ABCA9: variants seen among roughly 807,000 people sequenced by gnomAD.
ABCA9 encodes ATP binding cassette subfamily A member 9.
In ABCA9, 183 loss-of-function variants were observed where a neutral mutation model predicts 205.3. The ratio of observed to expected loss-of-function variants is 0.89; its 90% confidence interval spans 0.79 to 1.01. ABCA9 has a LOEUF of 1.01. ABCA9 is among the 50% of genes least tolerant of loss of function. ABCA9 has a pLI of 0.00. For synonymous variants in ABCA9, 651 were observed against 683.3 expected (o/e 0.95, Z 0.74); for missense variants, 1,805 against 1,912.4 (o/e 0.94, Z 1.05).
In ABCA9 at chr17:68,988,905, A is replaced by G. The variant is rs566778032; in HGVS notation, c.4047+122T>C. ...AATTAAGTATATAAATTTTTAATCA[A>G]TCTTCTTTATTCAATGCATAAATCA... On this transcript the variant is annotated intron_variant, in intron 31 of 38. Transcript: ENST00000340001. 2.0e-5 allele frequency: 12 copies of G among 600,184 alleles called. No individual in the cohort carries two copies. The Admixed American group carries it at 2.5e-4, about 12-fold the overall frequency. 37.2% of individuals were successfully genotyped at this position (600,184 alleles called of 1,614,324 possible).
intron 31 of ABCA9, 126 bp downstream of exon 31, chr17:68,988,901 A>G (rs2069340097): frequency 1.7e-6 from 1 of 582,266 alleles, no homozygotes; most frequent in South Asian, 3.3e-5. Flanking sequence ...TAAATTTTTA[A>G]TCAATCTTCT....
chr17:69,078,265 C>T, the ABCA9 span, among the ~76,000 whole-genome samples: 1 of 148,902 alleles, frequency 6.7e-6, no homozygotes, highest in East Asian at 2.0e-4. Context: ...AGTGCACTAG[C>T]ACATGGCTCA....
intron 3 of ABCA9, 63 bp downstream of exon 3, chr17:69,049,220 T>C: frequency 7.1e-7 from 1 of 1,413,136 alleles, no homozygotes; most frequent in Non-Finnish European, 9.7e-7. Context: ...ATGAAGGAAA[T>C]CTCAAAATGA....
intron 36 of ABCA9, 57 bp downstream of exon 36, chr17:68,983,652 G>A: frequency 6.3e-7 from 1 of 1,594,954 alleles, no homozygotes; most frequent in South Asian, 1.1e-5. Flanking sequence ...CGTCATCATA[G>A]CAGAAATATG....
chr17:69,068,936 T>C, the ABCA9 span, among the ~76,000 whole-genome samples: 2 of 152,178 alleles, frequency 1.3e-5, no homozygotes, highest in Admixed American at 1.3e-4. Context: ...AAAAATCTTA[T>C]AGTTTAGGAA....
intron 19 of ABCA9, chr17:69,019,813 C>T (rs977725477): frequency 6.6e-6 from 1 of 152,424 alleles, no homozygotes; most frequent in Non-Finnish European, 1.5e-5. Context: ...TATAGAGCCT[C>T]AAGACTGTAA....
chr17:69,022,304 T>A (rs1158836315), intron 17 of ABCA9: 1 of 151,888 alleles, frequency 6.6e-6, no homozygotes, highest in Non-Finnish European at 1.5e-5. Context: ...GACTCTTTGA[T>A]AGTTTAAAAA....
intron 1 of ABCA9, among the ~76,000 whole-genome samples, chr17:69,057,443 G>C (rs953737174): frequency 2.0e-5 from 3 of 152,178 alleles, no homozygotes; most frequent in African/African-American, 7.2e-5. Context: ...GAGAGAGAGA[G>C]TGGCCTTTAG....
Position 69,043,568 on chromosome 17 carries a change from CA to C in ABCA9, c.720del (p.Tyr240Ter). On this transcript the variant is annotated frameshift_variant, in exon 6 of 39. Coordinates refer to ENST00000340001, the MANE Select transcript of ABCA9 (RefSeq NM_080283.4). LOFTEE classifies it high-confidence loss of function. ...CIISFSTFIY[Y>X]VSVNVTQERQ... ...CTTTCTTGTGTAACATTGACTGATA[CA>C]TAGTATATAAATGTAGAAAAAGAAA... is the stretch of plus-strand genomic sequence containing the variant. 4 of 1,611,914 alleles carry C rather than the reference CA, an allele frequency of 2.5e-6. No homozygotes were observed. The highest frequency in any genetic ancestry group is 3.4e-6 in the Non-Finnish European group (4 of 1,178,992).
intron 6 of ABCA9, among the ~76,000 whole-genome samples, chr17:69,040,560 A>G (rs2071498044): frequency 6.6e-6 from 1 of 152,148 alleles, no homozygotes; most frequent in South Asian, 2.1e-4. Flanking sequence ...TTCAGGGAGT[A>G]GGGAGCAAGA....
intron 10 of ABCA9, among the ~76,000 whole-genome samples, 198 bp downstream of exon 10, chr17:69,031,910 A>G (rs1195526751): frequency 1.3e-5 from 2 of 152,230 alleles, no homozygotes; most frequent in Non-Finnish European, 2.9e-5. Flanking sequence ...ACCATGAAAT[A>G]TTAGTAAATG....
intron 25 of ABCA9, among the ~76,000 whole-genome samples, chr17:69,005,745 T>G (rs750055877): frequency 6.6e-6 from 1 of 152,226 alleles, no homozygotes; most frequent in Non-Finnish European, 1.5e-5. Flanking sequence ...TTCTACATGC[T>G]GGCTTATTTT....
chr17:69,049,227 A>G, intron 3 of ABCA9, 56 bp downstream of exon 3: 3 of 1,443,574 alleles, frequency 2.1e-6, no homozygotes, highest in Non-Finnish European at 2.8e-6. Context: ...AAATCTCAAA[A>G]TGAATTTGTG....
At chr17:69,024,145 T>C in intron 17 of ABCA9, 69 bp downstream of exon 17, 1 of 1,538,304 alleles carries the variant, frequency 6.5e-7, no homozygotes, top group Non-Finnish European at 8.9e-7. Flanking sequence ...CTAGCCATCA[T>C]TCTTATCACC....
In ABCA9 at chr17:68,986,181, T is replaced by G; in HGVS notation, c.4191A>C (p.Ala1397=). 2 of 1,611,946 alleles carry G rather than the reference T, an allele frequency of 1.2e-6. No individual in the cohort carries two copies. Among genetic ancestry groups the G allele is most frequent in the Non-Finnish European group, 1.7e-6 (2 of 1,179,024 alleles). ...CCAGGTACCGTGTGATGGCGATCAT[T>G]GCGTCCCCTTTCCTGAGACCTTTCA... ...AAVKGLRKGD[A]MIAITRLVDA... The change falls in exon 32 of 39, where the codon GCA becomes GCC. Residue 1397 remains alanine (A), a synonymous_variant. Transcript: ENST00000340001.
At position 69,017,357 on chromosome 17, in the gene ABCA9, C is replaced by T. The variant is rs138770995; in HGVS notation, c.2901+299G>A. ...TACATTGGGCAGTTGTTCTCAGTTC[C>T]AACTGAGAATGAGATTTAATTTAAT... On this transcript the variant is annotated intron_variant, in intron 21 of 38. Coordinates refer to ENST00000340001, the MANE Select transcript of ABCA9 (RefSeq NM_080283.4). Among the ~76,000 whole-genome samples, 180 of 152,140 alleles carry T rather than the reference C, an allele frequency of 1.2e-3. 1 individual carries two copies. Among genetic ancestry groups the T allele is most frequent in the African/African-American group, 4.2e-3 (176 of 41,512 alleles).
intron 37 of ABCA9, among the ~76,000 whole-genome samples, chr17:68,980,841 C>A (rs2069029245): frequency 6.6e-6 from 1 of 150,824 alleles, no homozygotes; most frequent in African/African-American, 2.4e-5. Context: ...GTGCAGCACA[C>A]CAACATGGCA....
chr17:68,983,605 C>T lies in ABCA9; in HGVS notation c.4640+104G>A, dbSNP rs150031805. The T allele has an allele frequency of 1.1e-4, 168 of 1,465,634 alleles. 3 individuals are homozygous for T. The East Asian group carries it at 2.4e-3, about 21-fold the overall frequency. 90.8% of individuals were successfully genotyped at this position (1,465,634 alleles called of 1,614,324 possible). A position where few individuals can be genotyped will look rare whatever the true frequency, so the allele number is the denominator to read the frequency against. ...TCTTAAGTAAAGTACTTGCAATTAC[C>T]ATAGAGTTAAAGAACGAGAAGATAA... On this transcript the variant is annotated intron_variant, in intron 36 of 38. Coordinates refer to ENST00000340001, the MANE Select transcript of ABCA9 (RefSeq NM_080283.4).
At chr17:69,039,136 G>A (rs546734515) in intron 6 of ABCA9, among the ~76,000 whole-genome samples, 1 of 152,296 alleles carries the variant, frequency 6.6e-6, no homozygotes, top group East Asian at 1.9e-4. Flanking sequence ...TGGCCATACT[G>A]TCCAAAGTAA....
Sources: allele counts gnomAD v4.1 joint callset (sites outside exome capture counted in the v4.1 genomes callset), GRCh38; gene constraint gnomAD v4.1.1; transcripts MANE v1.5; gene names NCBI Gene and HGNC (gene_info 2026-07-23, HGNC 2026-07-21).